LRP1B: variants seen among roughly 807,000 people sequenced by gnomAD.
LRP1B encodes LDL receptor related protein 1B.
Under a neutral mutation model 556.6 loss-of-function variants are expected in LRP1B, and 217 were observed. That is an observed-to-expected ratio of 0.39 (90% confidence interval 0.35 to 0.44). LRP1B has a LOEUF of 0.44. LRP1B is among the 20% of genes least tolerant of loss of function. LRP1B has a pLI of 1.00. For missense variants in LRP1B, 5,053 were observed against 5,620.8 expected (o/e 0.90, Z 3.23); for synonymous variants, 2,047 against 1,865.8 (o/e 1.10, Z -2.50).
intron 14 of LRP1B, among the ~76,000 whole-genome samples, chr2:141,011,956 A>G (rs1482067938): frequency 6.6e-6 from 1 of 152,064 alleles, no homozygotes; most frequent in Non-Finnish European, 1.5e-5. Flanking sequence ...GAGAAATTGT[A>G]GGGGTAAGTT....
rs145668504 is a variant in LRP1B, at chr2:140,851,717, T to C, written c.4646A>G (p.Asn1549Ser). Residue 1549 changes from asparagine to serine, a missense_variant, in exon 28 of 91, where the codon AAT becomes AGT. By Grantham distance (46) the Asn-to-Ser change is conservative. Transcript: ENST00000389484. Reference protein sequence around the residue: ...PCSHMCLINHNRSAACACPHL... With the variant: ...PCSHMCLINHSRSAACACPHL... ...GGGGCACGCACAGGCAGCACTCCTA[T>C]TGTGATTGATTAGACACATGTGAGA... The C allele has an allele frequency of 1.9e-6, 3 of 1,611,320 alleles. No individual in the cohort carries two copies. Among genetic ancestry groups the C allele is most frequent in the South Asian group, 1.1e-5 (1 of 90,454 alleles).
At chr2:141,785,899 G>C (rs1695417758) in intron 2 of LRP1B, among the ~76,000 whole-genome samples, 1 of 151,592 alleles carries the variant, frequency 6.6e-6, no homozygotes, top group Admixed American at 6.6e-5. Context: ...ACAGAATTTT[G>C]AGGTGGCTTC....
chr2:141,627,702 A>C (rs189056252), intron 2 of LRP1B, among the ~76,000 whole-genome samples: 90 of 152,352 alleles, frequency 5.9e-4, no homozygotes, highest in Non-Finnish European at 1.1e-3. Flanking sequence ...GTCGTCCACG[A>C]AACTGGTTCC....
chr2:141,434,562 G>T (rs1373204363), intron 3 of LRP1B, among the ~76,000 whole-genome samples: 1 of 152,094 alleles, frequency 6.6e-6, no homozygotes, highest in Non-Finnish European at 1.5e-5. Flanking sequence ...CTGCCTTGAA[G>T]TCTGTTTCTA....
At chr2:141,033,217 G>C (rs1698430530) in intron 11 of LRP1B, among the ~76,000 whole-genome samples, 1 of 151,858 alleles carries the variant, frequency 6.6e-6, no homozygotes. Context: ...AGGGAGGGAG[G>C]GAAGGTGGCT....
At chr2:141,077,171 C>T (rs1346242548) in intron 7 of LRP1B, among the ~76,000 whole-genome samples, 3 of 152,126 alleles carry the variant, frequency 2.0e-5, no homozygotes, top group East Asian at 1.9e-4. Flanking sequence ...TCACTAGAAC[C>T]CAGGAAGTGG....
intron 1 of LRP1B, among the ~76,000 whole-genome samples, chr2:141,854,775 C>T (rs1036905136): frequency 2.6e-5 from 4 of 151,894 alleles, no homozygotes; most frequent in African/African-American, 9.7e-5. Flanking sequence ...CTAATGTAAA[C>T]TCATTTTCTT....
intron 1 of LRP1B, among the ~76,000 whole-genome samples, chr2:142,024,620 G>GTTTTTTTTTTTTTTTTT (rs3041443): frequency 1.5e-5 from 2 of 131,026 alleles, no homozygotes; most frequent in African/African-American, 5.7e-5. Context: ...CAGCTGAAAT[G>GTTTTTTTTTTTTTTTTT]TTTTTTTTTT....
chr2:140,838,225 AT>A (rs1691980966), intron 31 of LRP1B, among the ~76,000 whole-genome samples: 1 of 152,142 alleles, frequency 6.6e-6, no homozygotes, highest in Non-Finnish European at 1.5e-5. Flanking sequence ...TATCATACTC[AT>A]TTTTCAATGT....
At chr2:141,543,416 G>T (rs530987948) in intron 2 of LRP1B, among the ~76,000 whole-genome samples, 1 of 150,976 alleles carries the variant, frequency 6.6e-6, no homozygotes, top group East Asian at 2.0e-4. Context: ...TCAAGAGGCT[G>T]AGGCAGGGGG....
chr2:140,944,881 A>G (rs1045270164), intron 20 of LRP1B, among the ~76,000 whole-genome samples: 67 of 152,152 alleles, frequency 4.4e-4, no homozygotes, highest in African/African-American at 1.6e-3. Flanking sequence ...CACCACTTCT[A>G]TTTAACATCG....
chr2:142,034,099 A>G (rs986132433), intron 1 of LRP1B, among the ~76,000 whole-genome samples: 1 of 151,736 alleles, frequency 6.6e-6, no homozygotes, highest in African/African-American at 2.4e-5. Flanking sequence ...TTCAACATGC[A>G]AAACATCACT....
At position 140,537,980 on chromosome 2, in the gene LRP1B, A is replaced by G. The variant is rs114530798; in HGVS notation, c.7514-1271T>C. Among the ~76,000 whole-genome samples the G allele has an allele frequency of 2.6e-3, 397 of 152,186 alleles. 3 individuals carry two copies. The highest frequency in any genetic ancestry group is 9.1e-3 in the African/African-American group (377 of 41,548). On this transcript the variant is annotated intron_variant, in intron 45 of 90. Coordinates refer to ENST00000389484, the MANE Select transcript of LRP1B (RefSeq NM_018557.3). ...TACTCACCCCATTGCTTGCTGAATA[A>G]TTGTACGTTTAAATCCAGTTGTATT... is the stretch of plus-strand genomic sequence containing the variant.
intron 41 of LRP1B, among the ~76,000 whole-genome samples, chr2:140,670,359 A>G (rs1685434741): frequency 6.6e-6 from 1 of 152,200 alleles, no homozygotes; most frequent in African/African-American, 2.4e-5. Context: ...AAAGCGGTCA[A>G]GTAGTTAGTG....
intron 2 of LRP1B, among the ~76,000 whole-genome samples, chr2:141,519,238 G>C (rs1241388909): frequency 6.6e-6 from 1 of 151,328 alleles, no homozygotes; most frequent in Non-Finnish European, 1.5e-5. Context: ...ATAGTTACTG[G>C]TTTTCAGTGG....
chr2:141,312,950 G>A (rs1686869438), intron 3 of LRP1B, among the ~76,000 whole-genome samples: 2 of 152,010 alleles, frequency 1.3e-5, no homozygotes, highest in African/African-American at 4.8e-5. Context: ...CAAAGTGCTG[G>A]GATTATAGGC....
intron 41 of LRP1B, among the ~76,000 whole-genome samples, chr2:140,692,999 C>G (rs557521711): frequency 6.6e-6 from 1 of 152,028 alleles, no homozygotes; most frequent in African/African-American, 2.4e-5. Context: ...ATAAATTGTT[C>G]TAGTATAATT....
chr2:140,616,631 C>T (rs1291943763), intron 41 of LRP1B, among the ~76,000 whole-genome samples: 1 of 151,418 alleles, frequency 6.6e-6, no homozygotes, highest in African/African-American at 2.4e-5. Flanking sequence ...AATGTGGCTC[C>T]AAAATATATA....
At chr2:140,928,984 T>A (rs1378317321) in intron 20 of LRP1B, among the ~76,000 whole-genome samples, 1 of 152,120 alleles carries the variant, frequency 6.6e-6, no homozygotes, top group East Asian at 1.9e-4. Flanking sequence ...TGTGCTAAGA[T>A]AAGATAAGCA....
Sources: allele counts gnomAD v4.1 joint callset (sites outside exome capture counted in the v4.1 genomes callset), GRCh38; gene constraint gnomAD v4.1.1; transcripts MANE v1.5; gene names NCBI Gene and HGNC (gene_info 2026-07-23, HGNC 2026-07-21).